Variants in KIAA1671 observed in about 807,000 individuals in gnomAD.
KIAA1671 encodes uncharacterized protein KIAA1671.
Under a neutral mutation model 131.2 loss-of-function variants are expected in KIAA1671, and 52 were observed. The ratio of observed to expected loss-of-function variants is 0.40; its 90% CI spans 0.32 to 0.50. The LOEUF (loss-of-function observed/expected upper bound fraction) is 0.50, where lower values mean the gene tolerates loss of function less well. Ranked by LOEUF, KIAA1671 falls within the 20% of genes least tolerant of loss-of-function variation. KIAA1671 has a pLI of 0.73. For synonymous variants in KIAA1671, 1,003 were observed against 961.6 expected (o/e 1.04, Z -0.80); for missense variants, 2,360 against 2,364.2 (o/e 1.00, Z 0.04).
At position 25,196,667 on chromosome 22, in the gene KIAA1671, C is replaced by G. The variant is rs1175553434; in HGVS notation, c.*4266C>G. Reference sequence around the variant, plus strand: ...TGCCCAAGCTGGTCTTAAACTTGGTCTCAAGTGATTCTACTGCCTCAGCCT... The same window carrying G: ...TGCCCAAGCTGGTCTTAAACTTGGTGTCAAGTGATTCTACTGCCTCAGCCT... On this transcript the variant is annotated 3_prime_UTR_variant, in exon 13 of 13. Coordinates refer to ENST00000358431, the MANE Select transcript of KIAA1671 (RefSeq NM_001145206.2). 1 of 152,132 alleles carries G rather than the reference C, an allele frequency of 6.6e-6. No homozygotes were observed. Among genetic ancestry groups the G allele is most frequent in the African/African-American group, 2.4e-5 (1 of 41,420 alleles). 9.4% of individuals were successfully genotyped at this position (152,132 alleles called of 1,614,324 possible). A position where few individuals can be genotyped will look rare whatever the true frequency, so the allele number is the denominator to read the frequency against.
intron 9 of KIAA1671, chr22:25,179,392 C>A: frequency 6.2e-7 from 1 of 1,609,576 alleles, no homozygotes; most frequent in East Asian, 2.2e-5. Flanking sequence ...TCGCGCAGTG[C>A]GGCCAGGTGC....
At chr22:25,098,052 C>G (rs1930474363) in intron 6 of KIAA1671, among the ~76,000 whole-genome samples, 1 of 152,168 alleles carries the variant, frequency 6.6e-6, no homozygotes, top group Non-Finnish European at 1.5e-5. Context: ...CAGACTTGCC[C>G]CCAGGTCCCC....
At chr22:24,961,784 C>G (rs1174888880) in intron 1 of KIAA1671, among the ~76,000 whole-genome samples, 1 of 152,196 alleles carries the variant, frequency 6.6e-6, no homozygotes, top group Admixed American at 6.5e-5. Context: ...AATAATAGAA[C>G]CTGCCACAAT....
At chr22:25,114,974 G>A (rs1399457850) in intron 6 of KIAA1671, among the ~76,000 whole-genome samples, 1 of 152,176 alleles carries the variant, frequency 6.6e-6, no homozygotes, top group African/African-American at 2.4e-5. Flanking sequence ...TATTTACTCA[G>A]AGCAGTGTAG....
intron 1 of KIAA1671, among the ~76,000 whole-genome samples, chr22:24,965,335 A>C (rs183466496): frequency 6.6e-6 from 1 of 151,898 alleles, no homozygotes; most frequent in Non-Finnish European, 1.5e-5. Context: ...AAATCGCTTG[A>C]ACCCGGGAGG....
At chr22:25,189,532 G>C (rs1385549251) in intron 11 of KIAA1671, among the ~76,000 whole-genome samples, 2 of 152,126 alleles carry the variant, frequency 1.3e-5, no homozygotes, top group African/African-American at 4.8e-5. Context: ...TTATATCACG[G>C]AGGGTAGTCT....
At chr22:25,179,868 T>C (rs913780543) in intron 9 of KIAA1671, among the ~76,000 whole-genome samples, 1 of 152,258 alleles carries the variant, frequency 6.6e-6, no homozygotes, top group Non-Finnish European at 1.5e-5. Context: ...TTTTCTGTTT[T>C]CTAATGCATC....
At chr22:25,095,764 C>G (rs1040722235) in intron 6 of KIAA1671, among the ~76,000 whole-genome samples, 4 of 152,250 alleles carry the variant, frequency 2.6e-5, no homozygotes, top group African/African-American at 9.6e-5. Flanking sequence ...CAATCTCGCA[C>G]AACCTCATCT....
At chr22:25,020,304 C>T (rs1289337894) in intron 1 of KIAA1671, among the ~76,000 whole-genome samples, 1 of 152,164 alleles carries the variant, frequency 6.6e-6, no homozygotes. Flanking sequence ...ACAAGATGCA[C>T]AGTCATTTAG....
At chr22:24,994,567 C>T (rs1363627744) in intron 1 of KIAA1671, among the ~76,000 whole-genome samples, 6 of 152,132 alleles carry the variant, frequency 3.9e-5, no homozygotes, top group Admixed American at 1.3e-4. Context: ...TCTTCCCAGG[C>T]ACCCTGTGGT....
At chr22:25,003,386 T>C (rs2123864955) in intron 1 of KIAA1671, among the ~76,000 whole-genome samples, 1 of 151,330 alleles carries the variant, frequency 6.6e-6, no homozygotes, top group Admixed American at 6.6e-5. Flanking sequence ...CCTTATCTCC[T>C]TTCACTTGGA....
intron 6 of KIAA1671, among the ~76,000 whole-genome samples, chr22:25,096,834 T>G (rs770194183): frequency 6.6e-6 from 1 of 152,250 alleles, no homozygotes; most frequent in Non-Finnish European, 1.5e-5. Context: ...TGGATTAGTC[T>G]GTGTGTTGTA....
At chr22:25,088,246 T>C (rs1468629608) in intron 6 of KIAA1671, among the ~76,000 whole-genome samples, 2 of 152,114 alleles carry the variant, frequency 1.3e-5, no homozygotes, top group Non-Finnish European at 2.9e-5. Context: ...TAACTGGGAT[T>C]ACAGGCGTGC....
chr22:25,149,395 T>C (rs867227214), intron 6 of KIAA1671, among the ~76,000 whole-genome samples: 1 of 152,186 alleles, frequency 6.6e-6, no homozygotes, highest in African/African-American at 2.4e-5. Flanking sequence ...CAGGAATTCA[T>C]TGGAGATAGA....
chr22:25,065,676 G>A (rs1422126414), intron 6 of KIAA1671, among the ~76,000 whole-genome samples: 2 of 150,212 alleles, frequency 1.3e-5, no homozygotes, highest in Non-Finnish European at 3.0e-5. Context: ...AGTCTCGCTC[G>A]TCGCCCAGGC....
chr22:25,153,132 T>C (rs1933105096), intron 6 of KIAA1671, among the ~76,000 whole-genome samples: 1 of 152,244 alleles, frequency 6.6e-6, no homozygotes, highest in African/African-American at 2.4e-5. Context: ...ATAGTATATC[T>C]GTACTGCCAC....
chr22:25,116,430 T>TGTATGTAC (rs1411127036), intron 6 of KIAA1671, among the ~76,000 whole-genome samples: 4 of 140,154 alleles, frequency 2.9e-5, no homozygotes, highest in East Asian at 2.1e-4. Context: ...TATGTATGTA[T>TGTATGTAC]GTACGTATTG....
intron 6 of KIAA1671, chr22:25,063,714 A>G (rs959989487): frequency 2.0e-5 from 3 of 152,232 alleles, no homozygotes; most frequent in Admixed American, 6.5e-5. Context: ...ATTGAAATAT[A>G]AAACAATCTT....
chr22:24,975,404 G>A (rs897953368), intron 1 of KIAA1671, among the ~76,000 whole-genome samples: 1 of 149,862 alleles, frequency 6.7e-6, no homozygotes, highest in Admixed American at 6.7e-5. Context: ...CTGCACCTTC[G>A]ACCTCCTGGG....
Sources: gnomAD v4.1 joint callset for allele counts (sites outside exome capture counted in the v4.1 genomes callset) on GRCh38, gnomAD v4.1.1 for gene constraint, MANE v1.5 for transcripts, NCBI Gene and HGNC (gene_info 2026-07-23, HGNC 2026-07-21) for gene names.